Variants in NELL1 observed in about 807,000 individuals in gnomAD.
NELL1 encodes protein kinase C-binding protein NELL1.
NELL1 carries 76 observed loss-of-function variants against 107.4 expected under a neutral mutation model. The observed-to-expected ratio is 0.71, with a 90% CI of 0.59 to 0.86. The LOEUF (loss-of-function observed/expected upper bound fraction) is 0.86. Among genes scored for constraint, NELL1 ranks in the 40% least tolerant of loss-of-function variants. NELL1 has a pLI of 0.00. For synonymous variants in NELL1, 353 were observed against 341.2 expected (o/e 1.03, Z -0.38); for missense variants, 1,024 against 1,005.5 (o/e 1.02, Z -0.25).
intron 4 of NELL1, among the ~76,000 whole-genome samples, chr11:20,870,958 T>C (rs7931222): frequency 0.036 from 5,492 of 152,276 alleles, 304 homozygotes; most frequent in African/African-American, 0.13. Flanking sequence ...ACACAAGTTA[T>C]CCTCTCTGTA....
intron 15 of NELL1, among the ~76,000 whole-genome samples, chr11:21,456,812 T>G (rs1332168799): frequency 6.6e-6 from 1 of 152,152 alleles, no homozygotes. Flanking sequence ...AACAGAAATA[T>G]ATGTGATGCA....
At chr11:21,029,294 C>T (rs1486559247) in intron 12 of NELL1, among the ~76,000 whole-genome samples, 1 of 152,126 alleles carries the variant, frequency 6.6e-6, no homozygotes, top group Non-Finnish European at 1.5e-5. Flanking sequence ...TCATAAAGTT[C>T]AATTTATGAA....
intron 12 of NELL1, among the ~76,000 whole-genome samples, chr11:20,983,263 G>C (rs982485133): frequency 6.6e-6 from 1 of 152,038 alleles, no homozygotes; most frequent in Non-Finnish European, 1.5e-5. Flanking sequence ...CTCTTGGCTC[G>C]CTTTCCTTTC....
chr11:20,986,943 A>G (rs1203218048), intron 12 of NELL1, among the ~76,000 whole-genome samples: 3 of 152,238 alleles, frequency 2.0e-5, no homozygotes, highest in Non-Finnish European at 4.4e-5. Flanking sequence ...TTCAACAGTC[A>G]TAATATTTGT....
chr11:20,749,462 A>G (rs1856084701), intron 2 of NELL1, among the ~76,000 whole-genome samples: 1 of 151,982 alleles, frequency 6.6e-6, no homozygotes, highest in South Asian at 2.1e-4. Context: ...TTATCCAGGC[A>G]TAGTGGTATG....
At chr11:21,010,609 C>T (rs2134286274) in intron 12 of NELL1, among the ~76,000 whole-genome samples, 1 of 152,206 alleles carries the variant, frequency 6.6e-6, no homozygotes, top group South Asian at 2.1e-4. Flanking sequence ...GTAATACTCG[C>T]TGTCTAGAAA....
chr11:21,043,865 A>T (rs542293461), intron 12 of NELL1, among the ~76,000 whole-genome samples: 1 of 152,286 alleles, frequency 6.6e-6, no homozygotes, highest in East Asian at 1.9e-4. Flanking sequence ...ACCGCAGATA[A>T]TGGAGTCACT....
intron 14 of NELL1, among the ~76,000 whole-genome samples, chr11:21,273,015 T>G (rs148285167): frequency 2.0e-5 from 3 of 152,152 alleles, no homozygotes; most frequent in Non-Finnish European, 2.9e-5. Context: ...TCCAAAGGAA[T>G]GCAGCTCCTC....
chr11:20,924,127 A>G (rs1850439548), intron 7 of NELL1, among the ~76,000 whole-genome samples: 1 of 152,226 alleles, frequency 6.6e-6, no homozygotes, highest in Admixed American at 6.5e-5. Flanking sequence ...AGTGTCAGGT[A>G]GTATAGAAAT....
intron 12 of NELL1, among the ~76,000 whole-genome samples, chr11:21,036,240 T>G (rs1853089933): frequency 6.6e-6 from 1 of 151,984 alleles, no homozygotes; most frequent in African/African-American, 2.4e-5. Context: ...AAAGATGACA[T>G]AAACAAATGG....
chr11:20,762,638 C>T (rs1372065046), intron 2 of NELL1, among the ~76,000 whole-genome samples: 1 of 152,134 alleles, frequency 6.6e-6, no homozygotes, highest in African/African-American at 2.4e-5. Flanking sequence ...GTGACAGACT[C>T]CATGCGTATG....
intron 15 of NELL1, among the ~76,000 whole-genome samples, chr11:21,382,584 G>T (rs1851639013): frequency 6.6e-6 from 1 of 151,836 alleles, no homozygotes; most frequent in Admixed American, 6.6e-5. Context: ...TATCAAGAAT[G>T]GGGGAAGAAA....
intron 16 of NELL1, 25 bp downstream of exon 16, chr11:21,534,539 C>G (rs1856083992): frequency 5.6e-6 from 9 of 1,612,930 alleles, no homozygotes; most frequent in Non-Finnish European, 7.6e-6. Flanking sequence ...GGCATGCCCT[C>G]CAACTGCTTG....
chr11:20,736,395 C>A (rs982069632), intron 2 of NELL1, among the ~76,000 whole-genome samples: 3 of 152,094 alleles, frequency 2.0e-5, no homozygotes, highest in African/African-American at 7.2e-5. Context: ...ACAAGTGAGG[C>A]AAGCATAGAT....
chr11:21,049,180 T>A (rs533304965), intron 12 of NELL1, among the ~76,000 whole-genome samples: 6 of 152,254 alleles, frequency 3.9e-5, no homozygotes, highest in African/African-American at 1.2e-4. Flanking sequence ...ATAATTCTGG[T>A]AATCCTATTC....
intron 2 of NELL1, among the ~76,000 whole-genome samples, chr11:20,680,143 C>A (rs940031550): frequency 1.3e-5 from 2 of 152,044 alleles, no homozygotes; most frequent in Non-Finnish European, 2.9e-5. Context: ...GGATAATCTC[C>A]CCCATCTCAA....
At chr11:20,913,861 G>A (rs1475494314) in intron 5 of NELL1, among the ~76,000 whole-genome samples, 1 of 145,144 alleles carries the variant, frequency 6.9e-6, no homozygotes, top group East Asian at 2.2e-4. Flanking sequence ...GGGGGATGGG[G>A]GGAAGAATAT....
intron 2 of NELL1, among the ~76,000 whole-genome samples, chr11:20,759,095 C>T (rs79571174): frequency 1.8e-4 from 27 of 152,316 alleles, no homozygotes; most frequent in African/African-American, 6.0e-4. Flanking sequence ...AGCAGTGTAG[C>T]TAAGTCCCAA....
chr11:20,858,594 A>T (rs1848923135), intron 4 of NELL1, among the ~76,000 whole-genome samples: 1 of 152,200 alleles, frequency 6.6e-6, no homozygotes. Flanking sequence ...TTCTCCAACC[A>T]GGTATGAGGA....
Sources: allele counts gnomAD v4.1 joint callset (sites outside exome capture counted in the v4.1 genomes callset), GRCh38; gene constraint gnomAD v4.1.1; transcripts MANE v1.5; gene names NCBI Gene and HGNC (gene_info 2026-07-23, HGNC 2026-07-21).